The following ZNF534 variants were observed in gnomAD, a reference collection of about 807,000 sequenced individuals.
The protein encoded by ZNF534 is KRAB domain only 3.
In ZNF534, 19 loss-of-function variants were observed where a neutral mutation model predicts 13.6. The observed-to-expected ratio is 1.40, with a 90% CI of 0.97 to 2.05. ZNF534 has a LOEUF of 2.05. Among genes scored for constraint, ZNF534 ranks in the 30% most tolerant of loss-of-function variants. The pLI, the probability that ZNF534 is intolerant of heterozygous loss-of-function variation, is 0.00. For synonymous variants in ZNF534, 244 were observed against 273.8 expected (o/e 0.89, Z 1.07); for missense variants, 782 against 796.3 (o/e 0.98, Z 0.22).
In ZNF534 at chr19:52,438,515, G is replaced by C; in HGVS notation, c.1055G>C (p.Arg352Thr). ...CATCAGACAGTTCATACTGGAGAGA[G>C]ACCATACAAATGTAATGAATGTGGC... ...TTHQTVHTGE[R>T]PYKCNECGKG... The change falls in exon 5 of 5, where the codon AGA becomes ACA. Residue 352 changes from arginine to threonine, a missense_variant. This residue lies in a region of ZNF534 where 591 missense variants were observed against 574.0 expected (regional missense o/e 1.03). Coordinates refer to ENST00000433050, the MANE Select transcript of ZNF534 (RefSeq NM_001143938.3). 1.9e-6 allele frequency: 3 copies of C among 1,585,280 alleles called. No individual in the cohort carries two copies. The highest frequency in any genetic ancestry group is 2.6e-6 in the Non-Finnish European group (3 of 1,165,424).
chr19:52,435,933 C>CTTTTT (rs1289517628), intron 4 of ZNF534, among the ~76,000 whole-genome samples: 600 of 17,482 alleles, frequency 0.034, 52 homozygotes, highest in Middle Eastern at 0.071. Context: ...TATTTTTCTT[C>CTTTTT]TTCTTCTTTT....
At chr19:52,451,308 C>A (rs769246684) in exon 5 of ZNF534, 2 of 1,139,364 alleles carry the variant, frequency 1.8e-6, no homozygotes, top group South Asian at 1.3e-5. Flanking sequence ...TGCCCTCGCC[C>A]CTCGCTCTGC....
At chr19:52,451,065 G>T (rs324105) in intron 4 of ZNF534, 3 of 535,974 alleles carry the variant, frequency 5.6e-6, no homozygotes, top group African/African-American at 2.0e-5. Context: ...TGTACATTGC[G>T]TTTGGTAGTA....
chr19:52,432,144 G>C (rs2059091972), intron 2 of ZNF534, among the ~76,000 whole-genome samples: 1 of 151,816 alleles, frequency 6.6e-6, no homozygotes, highest in Non-Finnish European at 1.5e-5. Flanking sequence ...GATGATATGA[G>C]GCATCATACC....
rs775052830 is a variant in ZNF534 at position 52,438,577 on chromosome 19, C to T, written c.1117C>T (p.Arg373Trp). ...FSRIAFLARH[R>W]KVHTGEKPYK... ...TCGAATTGCATTCCTTGCAAGGCAT[C>T]GGAAAGTTCATACTGGAGAGAAACC... The change falls in exon 5 of 5, where the codon CGG becomes TGG. Residue 373 changes from arginine to tryptophan, a missense_variant. Physicochemically the swap from Arg to Trp is moderately radical, Grantham distance 101. Around this residue, in one of 5 missense-constraint regions of ZNF534, gnomAD observed 591 missense variants for 574.0 expected, o/e 1.03. Coordinates refer to ENST00000433050, the MANE Select transcript of ZNF534 (RefSeq NM_001143938.3). 1.8e-5 allele frequency: 29 copies of T among 1,582,668 alleles called. No homozygotes were observed. The highest frequency in any genetic ancestry group is 1.0e-4 in the South Asian group (9 of 88,086).
At chr19:52,449,669 A>T (rs980671468) in intron 4 of ZNF534, among the ~76,000 whole-genome samples, 3 of 152,044 alleles carry the variant, frequency 2.0e-5, no homozygotes, top group African/African-American at 7.2e-5. Flanking sequence ...GGTCGTTTGT[A>T]TGTCTCCTTT....
intron 4 of ZNF534, among the ~76,000 whole-genome samples, chr19:52,436,037 C>T (rs944621626): frequency 3.3e-5 from 5 of 149,568 alleles, no homozygotes; most frequent in South Asian, 4.2e-4. Flanking sequence ...CCTGGGTTCA[C>T]GCCATTCTTC....
chr19:52,445,086 T>A (rs986618778), downstream of ZNF534, among the ~76,000 whole-genome samples: 1 of 152,188 alleles, frequency 6.6e-6, no homozygotes, highest in Non-Finnish European at 1.5e-5. Flanking sequence ...TGTGGCCTTT[T>A]CCCAGTGCCT....
chr19:52,434,707 G>A (rs1162887612), intron 3 of ZNF534, among the ~76,000 whole-genome samples: 1 of 149,550 alleles, frequency 6.7e-6, no homozygotes, highest in Non-Finnish European at 1.5e-5. Context: ...CTCAAGCCTG[G>A]GCAACAGAGT....
At chr19:52,432,334 G>T (rs1235527599) in intron 2 of ZNF534, among the ~76,000 whole-genome samples, 1 of 152,136 alleles carries the variant, frequency 6.6e-6, no homozygotes, top group African/African-American at 2.4e-5. Context: ...TTTTGATGCT[G>T]ATCTGTTACT....
At chr19:52,451,100 T>A (rs2059212881) in intron 4 of ZNF534, 1 of 582,532 alleles carries the variant, frequency 1.7e-6, no homozygotes, top group African/African-American at 1.9e-5. Flanking sequence ...ATATTAATTT[T>A]TTCCCACCCA....
rs759618433 is a variant in ZNF534 at position 52,431,463 on chromosome 19, A to G, written c.-12A>G. ...GGAAGCAACTCGGAAGAGGAAAGAA[A>G]GGAAGTCAGGAATGGCCCTTACTCA... On this transcript the variant is annotated 5_prime_UTR_variant, in exon 2 of 5. Transcript: ENST00000433050. 3.1e-6 allele frequency: 5 copies of G among 1,614,074 alleles called. No individual in the cohort carries two copies. Among genetic ancestry groups the G allele is most frequent in the Middle Eastern group, 1.6e-4 (1 of 6,062 alleles).
intron 4 of ZNF534, among the ~76,000 whole-genome samples, chr19:52,449,123 T>G (rs2059204065): frequency 6.6e-6 from 1 of 152,198 alleles, no homozygotes; most frequent in Admixed American, 6.6e-5. Flanking sequence ...TGTACGTGGT[T>G]TATTTTATTT....
chr19:52,439,754 C>G lies in ZNF534; in HGVS notation c.*308C>G, dbSNP rs2561002. 0.91 allele frequency among the ~76,000 whole-genome samples: 137,454 copies of G among 150,708 alleles called. 62,929 individuals carry two copies. The highest frequency in any genetic ancestry group is 0.96 in the Non-Finnish European group (65,469 of 67,900). The stretch of plus-strand genomic sequence containing the variant: ...CCTAGGTGACAGAGTGAAACTCCAT[C>G]TCAAAAAAAGAAAAAAAAAAAATGA... On this transcript the variant is annotated 3_prime_UTR_variant, in exon 5 of 5. Coordinates refer to ENST00000433050, the MANE Select transcript of ZNF534 (RefSeq NM_001143938.3).
intron 3 of ZNF534, 76 bp from the exon 4 acceptor site, chr19:52,435,005 C>T: frequency 1.3e-6 from 2 of 1,510,162 alleles, no homozygotes; most frequent in Non-Finnish European, 8.9e-7. Flanking sequence ...TTGTAATATG[C>T]TGTCTCCTAC....
At chr19:52,433,011 G>A (rs2059098857) in intron 2 of ZNF534, among the ~76,000 whole-genome samples, 1 of 152,022 alleles carries the variant, frequency 6.6e-6, no homozygotes, top group South Asian at 2.1e-4. Flanking sequence ...TGGAGGCTGA[G>A]GTGGGAGGAT....
At chr19:52,449,709 A>AT (rs1391599423) in intron 4 of ZNF534, among the ~76,000 whole-genome samples, 2 of 150,944 alleles carry the variant, frequency 1.3e-5, no homozygotes, top group Non-Finnish European at 2.9e-5. Context: ...TAGTTGGTCC[A>AT]TTTTTTAATT....
At chr19:52,444,352 C>T (rs1364091405), downstream of ZNF534, among the ~76,000 whole-genome samples, 3 of 152,128 alleles carry the variant, frequency 2.0e-5, no homozygotes, top group Non-Finnish European at 4.4e-5. Context: ...GTGATACGAA[C>T]TGTCTATGAG....
Position 52,431,479 on chromosome 19 carries a change from C to T in ZNF534, c.5C>T (p.Ala2Val), listed in dbSNP as rs902325120. The change falls in exon 2 of 5, where the codon GCC becomes GTC. Residue 2 changes from alanine to valine, a missense_variant. Physicochemically the swap from Ala to Val is moderately conservative, Grantham distance 64. Transcript: ENST00000433050. ...AGGAAAGAAAGGAAGTCAGGAATGG[C>T]CCTTACTCAGGTAAGGTAATGTTCT... M[A>V]LTQGQLSFSD... 1 of 1,614,026 alleles carries T rather than the reference C, an allele frequency of 6.2e-7. No homozygotes were observed. Among genetic ancestry groups the T allele is most frequent in the South Asian group, 1.1e-5 (1 of 91,064 alleles).
Sources: allele counts gnomAD v4.1 joint callset (sites outside exome capture counted in the v4.1 genomes callset), GRCh38; gene constraint gnomAD v4.1.1; regional missense constraint gnomAD v4.1.1; transcripts MANE v1.5; gene names NCBI Gene and HGNC (gene_info 2026-07-23, HGNC 2026-07-21).